The following FHIT variants were observed in gnomAD, a reference collection of about 807,000 sequenced individuals.
FHIT encodes the protein bis(5'-adenosyl)-triphosphatase.
A neutral mutation model predicts 17.9 loss-of-function variants in FHIT; 19 were observed. The ratio of observed to expected loss-of-function variants is 1.06; its 90% CI spans 0.74 to 1.56. FHIT has a LOEUF of 1.56. FHIT is among the 40% of genes most tolerant of loss of function. FHIT has a pLI of 0.00. For missense variants in FHIT, 248 were observed against 189.2 expected (o/e 1.31, Z -1.82); for synonymous variants, 81 against 69.7 (o/e 1.16, Z -0.81).
At chr3:60,379,914 T>G (rs568077447) in intron 5 of FHIT, among the ~76,000 whole-genome samples, 23 of 152,310 alleles carry the variant, frequency 1.5e-4, no homozygotes, top group African/African-American at 5.1e-4. Flanking sequence ...AGGGCTTCTG[T>G]GTTTCAATTT....
intron 7 of FHIT, among the ~76,000 whole-genome samples, chr3:59,944,204 A>T (rs1355430812): frequency 6.6e-6 from 1 of 152,236 alleles, no homozygotes; most frequent in Non-Finnish European, 1.5e-5. Flanking sequence ...TTTATAAAAT[A>T]TAACATACCT....
chr3:60,290,627 A>C (rs548755461), intron 5 of FHIT, among the ~76,000 whole-genome samples: 39 of 152,276 alleles, frequency 2.6e-4, no homozygotes, highest in African/African-American at 8.4e-4. Flanking sequence ...CTTATCAAGG[A>C]AAGGTCTAGA....
chr3:60,926,226 T>G (rs1707601155), intron 3 of FHIT, among the ~76,000 whole-genome samples: 2 of 152,044 alleles, frequency 1.3e-5, no homozygotes, highest in South Asian at 2.1e-4. Context: ...TCTACAGAAC[T>G]CTCCACCCCA....
intron 5 of FHIT, among the ~76,000 whole-genome samples, chr3:60,247,386 T>C (rs1055350946): frequency 8.1e-5 from 12 of 149,010 alleles, no homozygotes; most frequent in Admixed American, 4.7e-4. Context: ...AGAAAGAAGA[T>C]AGAAGACAGA....
intron 5 of FHIT, among the ~76,000 whole-genome samples, chr3:60,350,347 T>C (rs1377831266): frequency 1.3e-5 from 2 of 152,160 alleles, no homozygotes; most frequent in Non-Finnish European, 2.9e-5. Context: ...AAAAGTGGGT[T>C]TCAGCTACTA....
At chr3:60,100,263 A>C (rs899469142) in intron 5 of FHIT, among the ~76,000 whole-genome samples, 1 of 152,162 alleles carries the variant, frequency 6.6e-6, no homozygotes, top group Non-Finnish European at 1.5e-5. Flanking sequence ...GGACGCCTGT[A>C]GTCCCAGCTA....
intron 8 of FHIT, among the ~76,000 whole-genome samples, chr3:59,792,555 G>A (rs565586800): frequency 6.6e-6 from 1 of 152,242 alleles, no homozygotes; most frequent in East Asian, 1.9e-4. Flanking sequence ...CAACGTCTAT[G>A]AGCCCTAGTG....
At chr3:60,085,668 G>A (rs1170063065) in intron 5 of FHIT, among the ~76,000 whole-genome samples, 1 of 152,158 alleles carries the variant, frequency 6.6e-6, no homozygotes, top group Non-Finnish European at 1.5e-5. Flanking sequence ...TTATAGGGGA[G>A]GTCAGAAGAT....
chr3:61,077,477 C>T (rs372317874), intron 2 of FHIT, among the ~76,000 whole-genome samples: 1 of 151,748 alleles, frequency 6.6e-6, no homozygotes, highest in African/African-American at 2.4e-5. Context: ...AACAAACAAA[C>T]AAACAAACAA....
chr3:60,553,997 G>A (rs535188017), intron 4 of FHIT, among the ~76,000 whole-genome samples: 1 of 152,238 alleles, frequency 6.6e-6, no homozygotes, highest in East Asian at 1.9e-4. Context: ...TGAGGCAGGA[G>A]AATCGCTTGA....
At chr3:61,173,367 T>C (rs1022315233) in intron 2 of FHIT, among the ~76,000 whole-genome samples, 2 of 152,222 alleles carry the variant, frequency 1.3e-5, no homozygotes, top group African/African-American at 4.8e-5. Context: ...CTGTATAATT[T>C]ATTTGACAGT....
At chr3:59,850,354 A>G (rs1425368511) in intron 8 of FHIT, among the ~76,000 whole-genome samples, 1 of 152,136 alleles carries the variant, frequency 6.6e-6, no homozygotes, top group Admixed American at 6.5e-5. Context: ...CATAAGTACT[A>G]TGTTGGGCCC....
intron 5 of FHIT, among the ~76,000 whole-genome samples, chr3:60,082,346 G>A (rs946145433): frequency 3.3e-5 from 5 of 152,008 alleles, no homozygotes; most frequent in Admixed American, 2.6e-4. Context: ...CTGTGTATGT[G>A]TACCGTATTT....
chr3:60,441,217 T>C (rs1310475837), intron 5 of FHIT, among the ~76,000 whole-genome samples: 5 of 152,096 alleles, frequency 3.3e-5, no homozygotes, highest in African/African-American at 1.2e-4. Context: ...ATTCGATGAA[T>C]CACTGATGAG....
At chr3:60,532,170 T>A (rs972407051) in intron 5 of FHIT, among the ~76,000 whole-genome samples, 1 of 152,140 alleles carries the variant, frequency 6.6e-6, no homozygotes, top group East Asian at 1.9e-4. Flanking sequence ...GTGAGCAAGG[T>A]TTCTGTCATT....
chr3:59,979,722 G>A (rs1708568336), intron 7 of FHIT, among the ~76,000 whole-genome samples: 2 of 152,102 alleles, frequency 1.3e-5, no homozygotes, highest in Admixed American at 6.6e-5. Context: ...TAAATAAGAA[G>A]GGGTTTGGTC....
intron 3 of FHIT, among the ~76,000 whole-genome samples, chr3:60,868,129 C>G (rs1163992597): frequency 6.6e-6 from 1 of 152,114 alleles, no homozygotes; most frequent in African/African-American, 2.4e-5. Flanking sequence ...GAGCTACTGC[C>G]TGTGGGTGAT....
At chr3:60,674,487 C>T (rs1265149161) in intron 4 of FHIT, among the ~76,000 whole-genome samples, 2 of 152,198 alleles carry the variant, frequency 1.3e-5, no homozygotes, top group Admixed American at 6.5e-5. Context: ...CAGGGCGACA[C>T]ATTTAGGGAA....
chr3:59,870,378 T>C (rs1014108151), intron 8 of FHIT, among the ~76,000 whole-genome samples: 2 of 152,246 alleles, frequency 1.3e-5, no homozygotes, highest in South Asian at 4.1e-4. Context: ...GGTAGTCTCA[T>C]ATTTTAATCT....
Sources: gnomAD v4.1 joint callset for allele counts (sites outside exome capture counted in the v4.1 genomes callset) on GRCh38, gnomAD v4.1.1 for gene constraint, MANE v1.5 for transcripts, NCBI Gene and HGNC (gene_info 2026-07-23, HGNC 2026-07-21) for gene names.